Variants in PADI1 observed in about 807,000 individuals in gnomAD.
The protein encoded by PADI1 is peptidyl arginine deiminase 1.
Under a neutral mutation model 74.8 loss-of-function variants are expected in PADI1, and 65 were observed. The observed-to-expected ratio is 0.87, with a 90% CI of 0.71 to 1.07. The LOEUF (loss-of-function observed/expected upper bound fraction) is 1.07, where lower values mean the gene tolerates loss of function less well. PADI1 is among the 50% of genes least tolerant of loss of function. PADI1 has a pLI of 0.00. For synonymous variants in PADI1, 371 were observed against 336.2 expected, an observed-to-expected ratio of 1.10 and a Z score of -1.13; for missense variants, 943 against 854.0, an observed-to-expected ratio of 1.10 and a Z score of -1.30.
intron 1 of PADI1, among the ~76,000 whole-genome samples, chr1:17,209,919 C>T (rs182642238): frequency 1.2e-4 from 18 of 152,096 alleles, no homozygotes; most frequent in Non-Finnish European, 2.2e-4. Context: ...GACATGATCT[C>T]GGCTCACTAC....
chr1:17,206,787 A>G (rs2071697640), intron 1 of PADI1, among the ~76,000 whole-genome samples: 2 of 149,538 alleles, frequency 1.3e-5, no homozygotes, highest in African/African-American at 2.5e-5. Context: ...CCCGGGTTCA[A>G]TTCTCTGCCG....
At chr1:17,216,988 T>C (rs1028558458) in intron 1 of PADI1, among the ~76,000 whole-genome samples, 2 of 116,482 alleles carry the variant, frequency 1.7e-5, no homozygotes, top group Admixed American at 2.1e-4. Flanking sequence ...ACCAAGGGAG[T>C]GGGTGTAGAC....
chr1:17,230,623 G>A lies in PADI1; in HGVS notation c.1105G>A (p.Val369Ile), dbSNP rs1406730184. The change falls in exon 10 of 16, where the codon GTC (valine) becomes ATC (isoleucine). Residue 369 changes from valine to isoleucine, a missense_variant. By Grantham distance (29) the Val-to-Ile change is conservative. Coordinates refer to ENST00000375471, the MANE Select transcript of PADI1 (RefSeq NM_013358.3). ...IEAPHKSFPV[V>I]FDSPRNRGLK... ...GGCCCCTCACAAATCCTTCCCCGTG[G>A]TCTTTGACTCCCCCAGGAACAGGGG... The A allele has an allele frequency of 5.0e-6, 8 of 1,613,302 alleles. No homozygotes were observed. Among genetic ancestry groups the A allele is most frequent in the South Asian group, 4.4e-5 (4 of 90,930 alleles).
At chr1:17,239,064 G>T (rs1197464751) in intron 13 of PADI1, among the ~76,000 whole-genome samples, 1 of 152,238 alleles carries the variant, frequency 6.6e-6, no homozygotes, top group Non-Finnish European at 1.5e-5. Context: ...GGAGCAGCAG[G>T]GCTGGGGCCT....
intron 8 of PADI1, among the ~76,000 whole-genome samples, chr1:17,229,532 C>T (rs1329083110): frequency 1.3e-5 from 2 of 152,214 alleles, no homozygotes; most frequent in African/African-American, 2.4e-5. Flanking sequence ...GGATCAGCCT[C>T]GATTGGCAAA....
intron 4 of PADI1, among the ~76,000 whole-genome samples, chr1:17,224,976 T>C (rs537259713): frequency 2.2e-4 from 34 of 152,184 alleles, no homozygotes; most frequent in African/African-American, 8.2e-4. Context: ...CACAAAGCTT[T>C]GAGGACAAGG....
chr1:17,222,362 C>G lies in PADI1; in HGVS notation c.165C>G (p.Asn55Lys), dbSNP rs754096985. 15 of 1,613,930 alleles carry G rather than the reference C, an allele frequency of 9.3e-6. No individual in the cohort carries two copies. Among genetic ancestry groups the G allele is most frequent in the Admixed American group, 1.7e-5 (1 of 60,006 alleles). The change falls in exon 2 of 16, where the codon AAC becomes AAG. Residue 55 changes from asparagine (N) to lysine (K), a missense_variant. Asn to Lys is a moderately conservative substitution (Grantham distance 94). Transcript: ENST00000375471. ...GGGTGGAGGTCTTCATGGTCTACAA[C>G]CGCACACGTGTGAAAGAGCCCATAG... ...SSGVEVFMVY[N>K]RTRVKEPIGK...
chr1:17,237,499 G>A, intron 12 of PADI1, 41 bp downstream of exon 12: 1 of 1,566,480 alleles, frequency 6.4e-7, no homozygotes, highest in South Asian at 1.2e-5. Context: ...CTCTGCCCTT[G>A]TCTGACCTGA....
intron 1 of PADI1, among the ~76,000 whole-genome samples, chr1:17,217,916 AG>A (rs1468625459): frequency 2.0e-5 from 3 of 152,276 alleles, no homozygotes; most frequent in African/African-American, 7.2e-5. Context: ...CATTGTGGTT[AG>A]TACCAAAAAT....
rs1041017703 is a variant in PADI1 at position 17,244,919 on chromosome 1, A to G, written c.*676A>G. 1 of 177,050 alleles carries G rather than the reference A, an allele frequency of 5.6e-6. No individual in the cohort carries two copies. The highest frequency in any genetic ancestry group is 2.4e-5 in the African/African-American group (1 of 41,702). 11.0% of individuals were successfully genotyped at this position (177,050 alleles called of 1,614,324 possible). ...AGAAGAGTGATTGCTACCTTTCTGG[A>G]AAGACTTTAATTACCAGAGCTGGCT... On this transcript the variant is annotated 3_prime_UTR_variant, in exon 16 of 16. Coordinates refer to ENST00000375471, the MANE Select transcript of PADI1 (RefSeq NM_013358.3).
At chr1:17,233,647 C>T (rs1206015578) in intron 11 of PADI1, among the ~76,000 whole-genome samples, 1 of 152,236 alleles carries the variant, frequency 6.6e-6, no homozygotes, top group Non-Finnish European at 1.5e-5. Flanking sequence ...TGGTGGGTCC[C>T]CCTGTTTCCT....
chr1:17,210,422 G>A (rs2071803667), intron 1 of PADI1, among the ~76,000 whole-genome samples: 1 of 151,966 alleles, frequency 6.6e-6, no homozygotes, highest in African/African-American at 2.4e-5. Context: ...CTAAATTCAG[G>A]GCCCTATCTC....
intron 13 of PADI1, 85 bp from the exon 14 acceptor site, chr1:17,239,619 C>A (rs2072729791): frequency 9.8e-7 from 1 of 1,021,508 alleles, no homozygotes. Flanking sequence ...GGAGGGAAAT[C>A]CTGGCCTGGA....
At chr1:17,223,842 C>T (rs982976467) in intron 3 of PADI1, 149 bp downstream of exon 3, 9 of 669,624 alleles carry the variant, frequency 1.3e-5, no homozygotes, top group African/African-American at 1.8e-5. Context: ...CTTCTGTCCA[C>T]TCTGGAACCA....
intron 11 of PADI1, among the ~76,000 whole-genome samples, chr1:17,234,101 G>A (rs2072571346): frequency 6.6e-6 from 1 of 152,216 alleles, no homozygotes; most frequent in East Asian, 1.9e-4. Context: ...AGATGGACTT[G>A]GGTTTGAGTC....
Position 17,228,629 on chromosome 1 carries a change from G to A in PADI1, c.657G>A (p.Gly219=). 1 of 1,614,148 alleles carries A rather than the reference G, an allele frequency of 6.2e-7. No individual in the cohort carries two copies. The highest frequency in any genetic ancestry group is 1.1e-5 in the South Asian group (1 of 91,086). Residue 219 remains glycine, a synonymous_variant, in exon 7 of 16, where the codon GGG becomes GGA. Transcript: ENST00000375471. ...KRVRVFCARG[G]NSLSDYKQVL... ...CCTGACTCTTGTTCTTCCTAGGTGG[G>A]AATTCTCTCTCGGACTACAAACAGG...
In PADI1 at chr1:17,240,626, C is replaced by T. The variant is rs769453484; in HGVS notation, c.1633-9C>T. 3 of 1,613,598 alleles carry T rather than the reference C, an allele frequency of 1.9e-6. No homozygotes were observed. The highest frequency in any genetic ancestry group is 2.5e-6 in the Non-Finnish European group (3 of 1,179,610). On this transcript the variant is annotated splice_polypyrimidine_tract_variant and intron_variant, in intron 14 of 15. Coordinates refer to ENST00000375471, the MANE Select transcript of PADI1 (RefSeq NM_013358.3). ...TAGTCCTGGGCTGCCCAGCTGCCTC[C>T]TTCCCCAGAAATGCATTGACTGGAA...
chr1:17,230,230 G>A, intron 9 of PADI1, 22 bp downstream of exon 9: 1 of 1,608,830 alleles, frequency 6.2e-7, no homozygotes, highest in Non-Finnish European at 8.5e-7. Flanking sequence ...GGGCAGCTCG[G>A]GAAGCCTGCA....
intron 1 of PADI1, among the ~76,000 whole-genome samples, chr1:17,220,153 G>A (rs1276761356): frequency 2.3e-5 from 1 of 43,172 alleles, no homozygotes; most frequent in Non-Finnish European, 4.2e-5. Flanking sequence ...GGTCTTGCCA[G>A]CAGCCTGCAG....
Sources: gnomAD v4.1 joint callset for allele counts (sites outside exome capture counted in the v4.1 genomes callset) on GRCh38, gnomAD v4.1.1 for gene constraint, MANE v1.5 for transcripts, NCBI Gene and HGNC (gene_info 2026-07-23, HGNC 2026-07-21) for gene names.